Variants in SYF2 observed in about 807,000 individuals in gnomAD.
SYF2 encodes pre-mRNA-splicing factor SYF2.
Under a neutral mutation model 32.7 loss-of-function variants are expected in SYF2, and 21 were observed. The ratio of observed to expected loss-of-function variants is 0.64; its 90% CI spans 0.45 to 0.92. SYF2 has a LOEUF of 0.92. Among genes scored for constraint, SYF2 ranks in the 40% least tolerant of loss-of-function variants. The pLI, the probability that SYF2 is intolerant of heterozygous loss-of-function variation, is 0.00. For synonymous variants in SYF2, 114 were observed against 103.9 expected (o/e 1.10, Z -0.59); for missense variants, 278 against 296.5 (o/e 0.94, Z 0.46).
rs1638429787 is a variant in SYF2, at chr1:25,222,575, T to C, written c.*691A>G. 1 of 152,140 alleles carries C rather than the reference T, an allele frequency of 6.6e-6. No homozygotes were observed. The highest frequency in any genetic ancestry group is 1.5e-5 in the Non-Finnish European group (1 of 68,018). The allele number at this position is 152,140 out of a possible 1,614,324, so 9.4% of individuals were successfully genotyped here. A position where few individuals can be genotyped will look rare whatever the true frequency, so the allele number is the denominator to read the frequency against. ...CCAGGGGTATTGGGTGTATGGAATT[T>C]CCCATAATAAAATATTCTTTCAGTG... On this transcript the variant is annotated 3_prime_UTR_variant, in exon 7 of 7. Transcript: ENST00000236273.
At position 25,226,855 on chromosome 1, in the gene SYF2, T is replaced by A. The variant is rs573442539; in HGVS notation, c.467+587A>T. ...AATTAGCCAGGAATCGTGGCACATG[T>A]CTGTAATCCTAGCTACTGGGGAGGC... On this transcript the variant is annotated intron_variant, in intron 5 of 6. Coordinates refer to ENST00000236273, the MANE Select transcript of SYF2 (RefSeq NM_015484.5). 4.6e-5 allele frequency among the ~76,000 whole-genome samples: 7 copies of A among 152,004 alleles called. No homozygotes were observed. In the South Asian group the frequency reaches 1.5e-3, roughly 32 times the overall value.
rs1419954795 is a variant in SYF2, at chr1:25,228,395, C to T, written c.259-160G>A. Reference sequence around the variant, plus strand: ...TGTCACGCAGGCTGGAGTGCAGTGGCGCGATCTCAGCTCACTGCAACCTCC... The same window carrying T: ...TGTCACGCAGGCTGGAGTGCAGTGGTGCGATCTCAGCTCACTGCAACCTCC... On this transcript the variant is annotated intron_variant, in intron 3 of 6. Transcript: ENST00000236273. Among the ~76,000 whole-genome samples, 8 of 152,102 alleles carry T rather than the reference C, an allele frequency of 5.3e-5. 1 individual carries two copies. The highest frequency in any genetic ancestry group is 2.0e-4 in the Admixed American group (3 of 15,246).
At position 25,225,216 on chromosome 1, in the gene SYF2, T is replaced by A. The variant is rs555985171; in HGVS notation, c.468-116A>T. 4 of 700,324 alleles carry A rather than the reference T, an allele frequency of 5.7e-6. 1 individual carries two copies. In the South Asian group the frequency reaches 6.8e-5, roughly 12 times the overall value. The allele number at this position is 700,324 out of a possible 1,614,324, so 43.4% of individuals were successfully genotyped here. A position where few individuals can be genotyped will look rare whatever the true frequency, so the allele number is the denominator to read the frequency against. On this transcript the variant is annotated intron_variant, in intron 5 of 6. Coordinates refer to ENST00000236273, the MANE Select transcript of SYF2 (RefSeq NM_015484.5). ...TACACATACATTTACTGTGAGATCC[T>A]ACTTTAATTTTTTTTTAAAAAAACA...
chr1:25,227,220 T>C (rs1571489221), intron 5 of SYF2, among the ~76,000 whole-genome samples: 2 of 151,976 alleles, frequency 1.3e-5, no homozygotes, highest in Non-Finnish European at 2.9e-5. Context: ...GTGGCGGAGG[T>C]TGCAGTGAGC....
intron 5 of SYF2, 31 bp downstream of exon 5, chr1:25,227,411 C>T: frequency 6.4e-7 from 1 of 1,559,224 alleles, no homozygotes; most frequent in East Asian, 2.2e-5. Flanking sequence ...ACAAATACAT[C>T]CACATCACCT....
Position 25,232,502 on chromosome 1 carries a change from G to A in SYF2, c.-35C>T, listed in dbSNP as rs1005860964. The A allele has an allele frequency of 3.1e-6, 5 of 1,614,012 alleles. No homozygotes were observed. The highest frequency in any genetic ancestry group is 2.7e-5 in the African/African-American group (2 of 74,924). On this transcript the variant is annotated 5_prime_UTR_variant, in exon 1 of 7. Coordinates refer to ENST00000236273, the MANE Select transcript of SYF2 (RefSeq NM_015484.5). ...TCTCTCTTCCCACTTCCGGCAACAA[G>A]ATAGAGCACTTCCGTCAACCTTCAG...
intron 4 of SYF2, 31 bp from the exon 5 acceptor site, chr1:25,227,563 T>C: frequency 6.3e-7 from 1 of 1,596,216 alleles, no homozygotes; most frequent in East Asian, 2.2e-5. Flanking sequence ...TCAGCGATAA[T>C]ATATTTCCTT....
chr1:25,231,904 T>A (rs1638637806), intron 2 of SYF2, 200 bp downstream of exon 2: 1 of 656,632 alleles, frequency 1.5e-6, no homozygotes, highest in Admixed American at 2.2e-5. Context: ...GGGGCTGGAG[T>A]GAACAGTTAT....
Position 25,227,425 on chromosome 1 carries a change from G to A in SYF2, c.467+17C>T, listed in dbSNP as rs1638533938. 1 of 1,604,328 alleles carries A rather than the reference G, an allele frequency of 6.2e-7. No homozygotes were observed. The highest frequency in any genetic ancestry group is 1.3e-5 in the African/African-American group (1 of 74,568). ...CACAAATACATCCACATCACCTCAG[G>A]TTGAAAAAGGACTTACTGTTTTTCT... On this transcript the variant is annotated intron_variant, in intron 5 of 6. Transcript: ENST00000236273.
At position 25,229,025 on chromosome 1, in the gene SYF2, C is replaced by T; in HGVS notation, c.231G>A (p.Trp77Ter). Residue 77 changes from tryptophan to a stop codon, truncating the protein, a stop_gained, in exon 3 of 7, where the codon TGG (tryptophan) becomes TGA (stop). Coordinates refer to ENST00000236273, the MANE Select transcript of SYF2 (RefSeq NM_015484.5). LOFTEE classifies it high-confidence loss of function. Reference sequence around the variant, plus strand: ...TTTTCTTTTCCTCTTCCTTTAGTTCCCACTCCAAACGAGCTTTTTTGGCTT... The same window carrying T: ...TTTTCTTTTCCTCTTCCTTTAGTTCTCACTCCAAACGAGCTTTTTTGGCTT... ...NWEAKKARLE[W>*]ELKEEEKKKE... is the part of the protein sequence containing the mutation. The T allele has an allele frequency of 1.9e-6, 3 of 1,613,664 alleles. No individual in the cohort carries two copies. The highest frequency in any genetic ancestry group is 2.5e-6 in the Non-Finnish European group (3 of 1,179,916).
rs1036749312 is a variant in SYF2 at position 25,228,314 on chromosome 1, A to C, written c.259-79T>G. The C allele has an allele frequency of 3.4e-6, 4 of 1,185,624 alleles. No homozygotes were observed. In the Admixed American group the frequency reaches 8.0e-5, roughly 24 times the overall value. The allele number at this position is 1,185,624 out of a possible 1,614,324, so 73.4% of individuals were successfully genotyped here. ...ATCTACTTTACATCAAGAAAGATCC[A>C]ATAAATATCAACCAATACTTTAATA... On this transcript the variant is annotated intron_variant, in intron 3 of 6. Coordinates refer to ENST00000236273, the MANE Select transcript of SYF2 (RefSeq NM_015484.5).
intron 4 of SYF2, among the ~76,000 whole-genome samples, chr1:25,227,756 G>A (rs1473793748): frequency 1.3e-5 from 2 of 152,046 alleles, no homozygotes; most frequent in African/African-American, 4.8e-5. Context: ...GCACCATGTT[G>A]GCATTCAAAC....
rs149343496 is a variant in SYF2, at chr1:25,225,040, T to C, written c.528A>G (p.Thr176=). 2 of 1,614,118 alleles carry C rather than the reference T, an allele frequency of 1.2e-6. No individual in the cohort carries two copies. The highest frequency in any genetic ancestry group is 1.7e-6 in the Non-Finnish European group (2 of 1,179,978). Residue 176 remains threonine, a synonymous_variant, in exon 6 of 7, where the codon ACA becomes ACG. Coordinates refer to ENST00000236273, the MANE Select transcript of SYF2 (RefSeq NM_015484.5). ...SLLHGTHVPS[T]EEIDRMVIDL... The stretch of plus-strand genomic sequence containing the variant: ...CTATGACCATCCTGTCAATTTCCTC[T>C]GTGGAAGGCACATGTGTTCCATGAA...
intron 6 of SYF2, among the ~76,000 whole-genome samples, chr1:25,223,988 G>C (rs1638457590): frequency 6.6e-6 from 1 of 152,166 alleles, no homozygotes; most frequent in Non-Finnish European, 1.5e-5. Context: ...GAGGCCAGGA[G>C]TTTGAGACCA....
In SYF2 at chr1:25,232,463, G is replaced by A. The variant is rs774394945; in HGVS notation, c.5C>T (p.Ala2Val). 3.7e-6 allele frequency: 6 copies of A among 1,614,166 alleles called. No homozygotes were observed. The highest frequency in any genetic ancestry group is 2.2e-5 in the East Asian group (1 of 44,888). The change falls in exon 1 of 7, where the codon GCG becomes GTG. Residue 2 changes from alanine (A) to valine (V), a missense_variant. Physicochemically the swap from Ala to Val is moderately conservative, Grantham distance 64. Coordinates refer to ENST00000236273, the MANE Select transcript of SYF2 (RefSeq NM_015484.5). ...ACTCACCTCGGATGCAGCTATAGCC[G>A]CCATCACAACCTTTCTCTCTTCCCA... MAAIAASEVLVD... is the reference protein window; with the variant it reads MVAIAASEVLVD...
In SYF2 at chr1:25,222,389, T is replaced by C. The variant is rs1417456800; in HGVS notation, c.*877A>G. ...ATAGTATTGTGGTCATTTAAGTCTT[T>C]ATCTTTCAGAGATACATACTAAAAT... is the stretch of plus-strand genomic sequence containing the variant. On this transcript the variant is annotated 3_prime_UTR_variant, in exon 7 of 7. Coordinates refer to ENST00000236273, the MANE Select transcript of SYF2 (RefSeq NM_015484.5). Among the ~76,000 whole-genome samples the C allele has an allele frequency of 3.9e-5, 6 of 152,098 alleles. No individual in the cohort carries two copies. The highest frequency in any genetic ancestry group is 1.4e-4 in the African/African-American group (6 of 41,414).
In SYF2 at chr1:25,223,049, C is replaced by G. The variant is rs766838098; in HGVS notation, c.*217G>C. On this transcript the variant is annotated 3_prime_UTR_variant, in exon 7 of 7. Coordinates refer to ENST00000236273, the MANE Select transcript of SYF2 (RefSeq NM_015484.5). The stretch of plus-strand genomic sequence containing the variant: ...TACAAAGTAGATTACAAAACAACTT[C>G]ACTACAAGAAATACATCTTATATCC... 7 of 403,618 alleles carry G rather than the reference C, an allele frequency of 1.7e-5. No homozygotes were observed. The highest frequency in any genetic ancestry group is 3.1e-5 in the Non-Finnish European group (7 of 227,008). The allele number at this position is 403,618 out of a possible 1,614,324, so 25.0% of individuals were successfully genotyped here. A position where few individuals can be genotyped will look rare whatever the true frequency, so the allele number is the denominator to read the frequency against.
At chr1:25,231,598 T>A in intron 2 of SYF2, 1 of 172,716 alleles carries the variant, frequency 5.8e-6, no homozygotes, top group Non-Finnish European at 1.3e-5. Context: ...ACTACCACAC[T>A]GTAGACTTTC....
chr1:25,223,328 T>C lies in SYF2; in HGVS notation c.670A>G (p.Arg224Gly). 6.2e-7 allele frequency: 1 copy of C among 1,613,982 alleles called. No homozygotes were observed. The highest frequency in any genetic ancestry group is 8.5e-7 in the Non-Finnish European group (1 of 1,179,992). The change falls in exon 7 of 7, where the codon AGA becomes GGA. Residue 224 changes from arginine to glycine, a missense_variant. Coordinates refer to ENST00000236273, the MANE Select transcript of SYF2 (RefSeq NM_015484.5). The part of the protein sequence containing the change: ...RNAKFNKKAE[R>G]FYGKYTAEIK... ...TCAGCTGTGTATTTCCCATAGAATC[T>C]TTCAGCTTTCTTGTTGAATTTGGCA... is the stretch of plus-strand genomic sequence containing the variant.
Sources: allele counts gnomAD v4.1 joint callset (sites outside exome capture counted in the v4.1 genomes callset), GRCh38; gene constraint gnomAD v4.1.1; transcripts MANE v1.5; gene names NCBI Gene and HGNC (gene_info 2026-07-23, HGNC 2026-07-21).